Variants in DOCK4 observed in about 807,000 individuals in gnomAD.
DOCK4 encodes the protein dedicator of cytokinesis 4, also known as dedicator of cytokinesis protein 4.
A neutral mutation model predicts 268.1 loss-of-function variants in DOCK4; 97 were observed. The ratio of observed to expected loss-of-function variants is 0.36; its 90% CI spans 0.31 to 0.43. DOCK4 has a LOEUF of 0.43. Among genes scored for constraint, DOCK4 ranks in the 20% least tolerant of loss-of-function variants. The pLI is 1.00. For missense variants in DOCK4, 2,145 were observed against 2,455.7 expected (o/e 0.87, Z 2.67); for synonymous variants, 954 against 887.2 (o/e 1.08, Z -1.34).
At chr7:112,038,337 G>A (rs184632953) in intron 1 of DOCK4, among the ~76,000 whole-genome samples, 3 of 152,272 alleles carry the variant, frequency 2.0e-5, no homozygotes, top group African/African-American at 7.2e-5. Flanking sequence ...TGTGCACAGA[G>A]GAAAAAATAT....
At chr7:111,860,659 G>A (rs1805433796) in intron 23 of DOCK4, among the ~76,000 whole-genome samples, 1 of 152,122 alleles carries the variant, frequency 6.6e-6, no homozygotes, top group Non-Finnish European at 1.5e-5. Context: ...CGCTGGCCCT[G>A]AGCCTCTCTT....
At chr7:112,175,115 G>A (rs1052550312) in intron 1 of DOCK4, among the ~76,000 whole-genome samples, 6 of 151,728 alleles carry the variant, frequency 4.0e-5, no homozygotes, top group South Asian at 2.1e-4. Flanking sequence ...TGCCCGCCTC[G>A]GCCTCCCAAA....
chr7:112,148,932 C>T (rs931412941), intron 1 of DOCK4, among the ~76,000 whole-genome samples: 6 of 152,148 alleles, frequency 3.9e-5, no homozygotes, highest in Non-Finnish European at 5.9e-5. Context: ...TACGATAATG[C>T]GCCAATAGCC....
intron 16 of DOCK4, among the ~76,000 whole-genome samples, chr7:111,887,457 G>C (rs1465717735): frequency 6.6e-6 from 1 of 152,180 alleles, no homozygotes; most frequent in African/African-American, 2.4e-5. Context: ...TCCATAAAGA[G>C]AAATGAGTCC....
intron 27 of DOCK4, among the ~76,000 whole-genome samples, chr7:111,817,784 C>T (rs1801667443): frequency 6.6e-6 from 1 of 152,088 alleles, no homozygotes; most frequent in Non-Finnish European, 1.5e-5. Context: ...AAAAGGAATC[C>T]CAGTCCTCAC....
intron 1 of DOCK4, among the ~76,000 whole-genome samples, chr7:112,131,268 A>T (rs1360858886): frequency 6.6e-6 from 1 of 152,146 alleles, no homozygotes; most frequent in South Asian, 2.1e-4. Context: ...AAATCACTCC[A>T]TGGTGACTAC....
chr7:111,839,394 C>T (rs1391680512), intron 25 of DOCK4, among the ~76,000 whole-genome samples: 1 of 152,016 alleles, frequency 6.6e-6, no homozygotes, highest in African/African-American at 2.4e-5. Context: ...ATTAATTTTC[C>T]TAAGACATTT....
At chr7:112,109,482 G>A (rs1442804433) in intron 1 of DOCK4, among the ~76,000 whole-genome samples, 1 of 152,132 alleles carries the variant, frequency 6.6e-6, no homozygotes, top group African/African-American at 2.4e-5. Flanking sequence ...TATAAAGCAG[G>A]CAATCTACCT....
intron 1 of DOCK4, among the ~76,000 whole-genome samples, chr7:112,129,923 A>C (rs899488689): frequency 2.6e-5 from 4 of 152,228 alleles, no homozygotes; most frequent in Non-Finnish European, 4.4e-5. Context: ...TAAAATGAAG[A>C]AGCAAATGCA....
At chr7:111,878,801 C>A (rs1807132704) in intron 16 of DOCK4, among the ~76,000 whole-genome samples, 1 of 152,164 alleles carries the variant, frequency 6.6e-6, no homozygotes, top group African/African-American at 2.4e-5. Context: ...AGAGACTCAC[C>A]ATCTCAGCAG....
rs183194869 is a variant in DOCK4 at position 111,989,279 on chromosome 7, T to C, written c.316-116A>G. ...GTTACCCACTATGTGCTTGCCACTC[T>C]GGACAGATGTCCGTGAACAGACAAA... On this transcript the variant is annotated intron_variant, in intron 5 of 52. Coordinates refer to ENST00000428084, the MANE Select transcript of DOCK4 (RefSeq NM_001363540.2). 6.6e-6 allele frequency: 9 copies of C among 1,360,882 alleles called. No homozygotes were observed. In the East Asian group the frequency reaches 1.9e-4, roughly 28 times the overall value. The allele number at this position is 1,360,882 out of a possible 1,614,324, so 84.3% of individuals were successfully genotyped here.
chr7:112,145,392 C>G (rs1426599366), intron 1 of DOCK4, among the ~76,000 whole-genome samples: 1 of 152,154 alleles, frequency 6.6e-6, no homozygotes. Context: ...CTCCCATATG[C>G]TAGGCCTAAG....
chr7:112,032,465 T>C (rs1348737340), intron 1 of DOCK4, among the ~76,000 whole-genome samples: 3 of 152,222 alleles, frequency 2.0e-5, no homozygotes, highest in Non-Finnish European at 4.4e-5. Context: ...TTCACATAAA[T>C]GCTCTCCTTG....
At chr7:112,204,743 A>G (rs999872224) in intron 1 of DOCK4, among the ~76,000 whole-genome samples, 25 of 151,672 alleles carry the variant, frequency 1.6e-4, no homozygotes, top group South Asian at 4.2e-4. Flanking sequence ...AAAGTTGGGA[A>G]AAAAAAAAAC....
intron 1 of DOCK4, among the ~76,000 whole-genome samples, chr7:112,184,614 C>A (rs576747312): frequency 2.6e-5 from 4 of 152,076 alleles, no homozygotes; most frequent in African/African-American, 9.7e-5. Context: ...CTCATAAAAA[C>A]CCCGGCCCTT....
At chr7:111,742,771 A>C (rs1182022262) in intron 44 of DOCK4, among the ~76,000 whole-genome samples, 2 of 152,216 alleles carry the variant, frequency 1.3e-5, no homozygotes, top group African/African-American at 4.8e-5. Flanking sequence ...AGGCGGGTTG[A>C]TCACAAGGTC....
At chr7:111,849,841 T>C (rs940173682) in intron 23 of DOCK4, among the ~76,000 whole-genome samples, 2 of 152,118 alleles carry the variant, frequency 1.3e-5, no homozygotes, top group African/African-American at 2.4e-5. Context: ...ATCAATTTCA[T>C]CTTCAGAGCT....
Position 112,050,404 on chromosome 7 carries a change from T to C in DOCK4, c.38-46273A>G, listed in dbSNP as rs575537958. 2.0e-5 allele frequency among the ~76,000 whole-genome samples: 3 copies of C among 152,252 alleles called. No individual in the cohort carries two copies. The South Asian group carries it at 6.2e-4, about 32-fold the overall frequency. ...ACACAAATCAGCACAATCCTAAACA[T>C]GGTATTTACTTGCCCAACAACCTTT... On this transcript the variant is annotated intron_variant, in intron 1 of 52. Transcript: ENST00000428084.
chr7:111,964,751 T>A (rs1797250583), intron 8 of DOCK4, among the ~76,000 whole-genome samples: 1 of 42,022 alleles, frequency 2.4e-5, no homozygotes, highest in African/African-American at 1.4e-4. Context: ...GACACATAAT[T>A]GTCAGATTCA....
Sources: allele counts gnomAD v4.1 joint callset (sites outside exome capture counted in the v4.1 genomes callset), GRCh38; gene constraint gnomAD v4.1.1; transcripts MANE v1.5; gene names NCBI Gene and HGNC (gene_info 2026-07-23, HGNC 2026-07-21).